Variants in WLS observed in about 807,000 individuals in gnomAD.
WLS encodes the protein protein wntless homolog.
A neutral mutation model predicts 62.8 loss-of-function variants in WLS; 23 were observed. The ratio of observed to expected loss-of-function variants is 0.37; its 90% confidence interval spans 0.26 to 0.52. The LOEUF (loss-of-function observed/expected upper bound fraction) is 0.52, where lower values mean the gene tolerates loss of function less well. WLS is among the 20% of genes least tolerant of loss of function. The probability of loss-of-function intolerance (pLI) is 0.92; values close to 1 mark genes in which losing one functional copy is unlikely to be tolerated. For missense variants in WLS, 615 were observed against 697.3 expected (o/e 0.88, Z 1.33); for synonymous variants, 246 against 244.1 (o/e 1.01, Z -0.07).
At chr1:68,104,089 G>A (rs1379115946) in intron 11 of WLS, among the ~76,000 whole-genome samples, 1 of 152,030 alleles carries the variant, frequency 6.6e-6, no homozygotes, top group East Asian at 1.9e-4. Context: ...TTGAGGCACA[G>A]GACAGAAGCA....
intron 1 of WLS, among the ~76,000 whole-genome samples, chr1:68,226,496 GA>G (rs1650146847): frequency 6.6e-6 from 1 of 152,138 alleles, no homozygotes; most frequent in Non-Finnish European, 1.5e-5. Flanking sequence ...TCTATTTCAA[GA>G]TGAAATATTA....
At chr1:68,136,380 C>T (rs1359868887) in intron 11 of WLS, among the ~76,000 whole-genome samples, 1 of 152,202 alleles carries the variant, frequency 6.6e-6, no homozygotes, top group African/African-American at 2.4e-5. Context: ...TCCACCTCTA[C>T]ACAATAAATG....
intron 2 of WLS, among the ~76,000 whole-genome samples, chr1:68,191,801 A>G (rs569605708): frequency 6.6e-6 from 1 of 152,238 alleles, no homozygotes; most frequent in South Asian, 2.1e-4. Context: ...ATTTCCTTCT[A>G]TATAGAATGC....
At chr1:68,129,311 T>A (rs768933078) in intron 11 of WLS, among the ~76,000 whole-genome samples, 5 of 130,238 alleles carry the variant, frequency 3.8e-5, no homozygotes, top group East Asian at 2.2e-4. Flanking sequence ...GGTGAGAGAG[T>A]GTCTCAAAAA....
At chr1:68,109,280 C>T (rs1646188538) in intron 11 of WLS, among the ~76,000 whole-genome samples, 1 of 152,226 alleles carries the variant, frequency 6.6e-6, no homozygotes, top group Admixed American at 6.5e-5. Flanking sequence ...AAAAACAAAT[C>T]TCTCTGGAGA....
chr1:68,230,971 C>T (rs1202311319), intron 1 of WLS, among the ~76,000 whole-genome samples: 1 of 152,186 alleles, frequency 6.6e-6, no homozygotes, highest in Non-Finnish European at 1.5e-5. Context: ...CCCCACATCG[C>T]GTGGGCGCCC....
rs569044111 is a variant in WLS at position 68,103,642 on chromosome 1, A to T, written c.1511-4889T>A. ...TAATTGTAGTTTGTAGGGGGATACTAACTCCAAATGAGGAGAAGCAAGGTA... is the reference window on the plus strand; with the variant it reads ...TAATTGTAGTTTGTAGGGGGATACTTACTCCAAATGAGGAGAAGCAAGGTA... On this transcript the variant is annotated intron_variant, in intron 11 of 11. Coordinates refer to the WLS transcript ENST00000354777. Among the ~76,000 whole-genome samples, 7 of 152,306 alleles carry T rather than the reference A, an allele frequency of 4.6e-5. No homozygotes were observed. The South Asian group carries it at 1.2e-3, about 27-fold the overall frequency.
At chr1:68,181,648 G>C (rs1449964740) in intron 2 of WLS, among the ~76,000 whole-genome samples, 1 of 152,160 alleles carries the variant, frequency 6.6e-6, no homozygotes, top group Non-Finnish European at 1.5e-5. Flanking sequence ...GTGTTGTTAG[G>C]TACCATCTAC....
chr1:68,215,865 T>C (rs530913573), intron 1 of WLS, among the ~76,000 whole-genome samples: 14 of 152,196 alleles, frequency 9.2e-5, no homozygotes, highest in Non-Finnish European at 1.8e-4. Context: ...AGTAAATTAG[T>C]TTCACCCTCA....
At chr1:68,181,845 G>C (rs1471212059) in intron 2 of WLS, among the ~76,000 whole-genome samples, 1 of 152,162 alleles carries the variant, frequency 6.6e-6, no homozygotes, top group Non-Finnish European at 1.5e-5. Context: ...CTTCAAAAAT[G>C]CATATAAGCA....
At chr1:68,198,686 A>G (rs903529767) in intron 1 of WLS, among the ~76,000 whole-genome samples, 4 of 152,222 alleles carry the variant, frequency 2.6e-5, no homozygotes, top group African/African-American at 2.4e-5. Context: ...CAAATAACGG[A>G]GGAAGCAGAC....
intron 11 of WLS, chr1:68,098,794 T>C: frequency 6.3e-7 from 1 of 1,592,472 alleles, no homozygotes; most frequent in Non-Finnish European, 8.6e-7. Context: ...CAAAATATCC[T>C]TTTAAAAAAA....
intron 2 of WLS, among the ~76,000 whole-genome samples, chr1:68,164,757 G>A (rs907304571): frequency 2.0e-5 from 3 of 152,166 alleles, no homozygotes; most frequent in African/African-American, 7.2e-5. Flanking sequence ...CTGGGTCAAA[G>A]TCTGCACACA....
intron 1 of WLS, among the ~76,000 whole-genome samples, chr1:68,213,521 T>A (rs1649605753): frequency 2.0e-5 from 3 of 147,736 alleles, no homozygotes; most frequent in South Asian, 4.3e-4. Context: ...AAGAGATAAA[T>A]GGGGCTAGAG....
Position 68,106,716 on chromosome 1 carries a change from CTGTGTGTGTGTGTGTG to C in WLS, c.1511-7979_1511-7964del, listed in dbSNP as rs59601112. On this transcript the variant is annotated intron_variant, in intron 11 of 11. Coordinates refer to the WLS transcript ENST00000354777. ...GAAACGCGTGTGCATGTGTTTGTCACTGTGTGTGTGTGTGTGTGTGTGTGTGTGTGTGTGTATGTGT... is the reference window on the plus strand; with the variant it reads ...GAAACGCGTGTGCATGTGTTTGTCACTGTGTGTGTGTGTGTGTGTATGTGT... Among the ~76,000 whole-genome samples the C allele has an allele frequency of 1.9e-3, 286 of 146,824 alleles. 8 individuals are homozygous for C. Among genetic ancestry groups the C allele is most frequent in the African/African-American group, 6.0e-3 (235 of 39,466 alleles).
At chr1:68,107,954 C>T (rs1218025802) in intron 11 of WLS, among the ~76,000 whole-genome samples, 1 of 152,176 alleles carries the variant, frequency 6.6e-6, no homozygotes, top group Admixed American at 6.5e-5. Flanking sequence ...CCAGACCCAG[C>T]TCCCCGGGAG....
At chr1:68,208,665 C>G (rs1244987194) in intron 1 of WLS, among the ~76,000 whole-genome samples, 1 of 152,204 alleles carries the variant, frequency 6.6e-6, no homozygotes, top group Non-Finnish European at 1.5e-5. Context: ...GTTTCTTTGA[C>G]AGAATCCCTA....
intron 3 of WLS, among the ~76,000 whole-genome samples, chr1:68,157,098 G>T (rs1646910007): frequency 1.3e-5 from 2 of 152,200 alleles, no homozygotes; most frequent in South Asian, 4.1e-4. Flanking sequence ...GGCAGGCATT[G>T]TGCTGTGATA....
chr1:68,198,107 A>C (rs897297395), intron 1 of WLS, among the ~76,000 whole-genome samples: 1 of 152,126 alleles, frequency 6.6e-6, no homozygotes, highest in African/African-American at 2.4e-5. Flanking sequence ...ACACATTATA[A>C]ATGTCTCCTC....
Sources: gnomAD v4.1 joint callset for allele counts (sites outside exome capture counted in the v4.1 genomes callset) on GRCh38, gnomAD v4.1.1 for gene constraint, MANE v1.5 for transcripts, NCBI Gene and HGNC (gene_info 2026-07-23, HGNC 2026-07-21) for gene names.